Variants in VPS35L observed in about 807,000 individuals in gnomAD.
VPS35L encodes VPS35 endosomal protein-sorting factor-like.
VPS35L carries 83 observed loss-of-function variants against 133.0 expected under a neutral mutation model. The observed-to-expected ratio is 0.62, with a 90% CI of 0.52 to 0.75. The LOEUF is 0.75. Ranked by LOEUF, VPS35L falls within the 30% of genes least tolerant of loss-of-function variation. VPS35L has a pLI of 0.00. For synonymous variants in VPS35L, 423 were observed against 449.9 expected (o/e 0.94, Z 0.76); for missense variants, 1,083 against 1,206.8 (o/e 0.90, Z 1.52).
chr16:19,640,178 C>A, intron 21 of VPS35L, 78 bp downstream of exon 21: 4 of 1,319,974 alleles, frequency 3.0e-6, no homozygotes, highest in Non-Finnish European at 4.3e-6. Flanking sequence ...TCAGTTCTTG[C>A]ACTTTGAGGC....
chr16:19,568,227 C>T (rs1252010162), intron 2 of VPS35L, among the ~76,000 whole-genome samples: 3 of 152,044 alleles, frequency 2.0e-5, no homozygotes, highest in African/African-American at 7.2e-5. Context: ...GGAAGGGGCA[C>T]ACAGAGCTTT....
chr16:19,605,134 C>T (rs1972501470), intron 9 of VPS35L, among the ~76,000 whole-genome samples: 1 of 152,126 alleles, frequency 6.6e-6, no homozygotes, highest in Admixed American at 6.5e-5. Flanking sequence ...ATCCCTATAA[C>T]ACTGTTACGT....
chr16:19,631,491 T>A (rs1231800403), intron 18 of VPS35L, among the ~76,000 whole-genome samples: 1 of 152,206 alleles, frequency 6.6e-6, no homozygotes, highest in African/African-American at 2.4e-5. Context: ...TTTGTGGTTT[T>A]TTTTGGTCCT....
At chr16:19,661,545 A>G (rs1974486222) in intron 26 of VPS35L, among the ~76,000 whole-genome samples, 1 of 152,194 alleles carries the variant, frequency 6.6e-6, no homozygotes, top group Admixed American at 6.5e-5. Context: ...CAGGAGCTCG[A>G]AGAGGCCCCA....
intron 5 of VPS35L, chr16:19,578,619 C>T (rs957072613): frequency 6.1e-6 from 2 of 329,738 alleles, no homozygotes; most frequent in Non-Finnish European, 1.2e-5. Context: ...CCTAGTGTTT[C>T]CACCCTGGGT....
At chr16:19,618,684 C>G (rs1482418308) in intron 14 of VPS35L, among the ~76,000 whole-genome samples, 1 of 152,150 alleles carries the variant, frequency 6.6e-6, no homozygotes, top group Non-Finnish European at 1.5e-5. Flanking sequence ...CCTAACCACT[C>G]TGAGTCTTCT....
chr16:19,592,664 A>AT (rs889429890), intron 8 of VPS35L, among the ~76,000 whole-genome samples: 9 of 144,908 alleles, frequency 6.2e-5, no homozygotes, highest in Non-Finnish European at 1.2e-4. Flanking sequence ...CAGCATGTCT[A>AT]TTTTTTTCTT....
chr16:19,609,442 G>A lies in VPS35L; in HGVS notation c.929+421G>A, dbSNP rs78594651. On this transcript the variant is annotated intron_variant, in intron 11 of 30. Transcript: ENST00000417362. ...ACAATGAGAGTCACCCCTGGCACAC[G>A]GTGGGCCCATCCTCCATGTTGGCTG... Among the ~76,000 whole-genome samples, 748 of 152,222 alleles carry A rather than the reference G, an allele frequency of 4.9e-3. 29 individuals carry two copies. The highest frequency in any genetic ancestry group is 0.027 in the Middle Eastern group (8 of 294).
In VPS35L at chr16:19,583,047, G is replaced by GT. The variant is rs989491136; in HGVS notation, c.639+1401dup. Among the ~76,000 whole-genome samples, 30 of 152,156 alleles carry GT rather than the reference G, an allele frequency of 2.0e-4. No homozygotes were observed. The East Asian group carries it at 4.8e-3, about 25-fold the overall frequency. On this transcript the variant is annotated intron_variant, in intron 7 of 30. Transcript: ENST00000417362. ...CCAGGCTAATTTGCTATACGGTAAA[G>GT]TTTTTTTGTGTGTGTTGGGGGGGTA... is the stretch of plus-strand genomic sequence containing the variant.
chr16:19,600,194 C>T (rs1315974362), intron 8 of VPS35L, among the ~76,000 whole-genome samples: 1 of 151,840 alleles, frequency 6.6e-6, no homozygotes, highest in Non-Finnish European at 1.5e-5. Context: ...TTTGTATTTT[C>T]CTGTCTCTTT....
intron 2 of VPS35L, 98 bp from the exon 3 acceptor site, chr16:19,569,326 C>T: frequency 7.5e-7 from 1 of 1,333,826 alleles, no homozygotes; most frequent in Non-Finnish European, 1.1e-6. Context: ...AATGAACCAT[C>T]CATTCAACTA....
chr16:19,669,224 T>C lies in VPS35L; in HGVS notation c.2286T>C (p.Asp762=), dbSNP rs957676. The change falls in exon 27 of 31, where the codon GAT becomes GAC. Residue 762 remains aspartate, a synonymous_variant. Coordinates refer to ENST00000417362, the MANE Select transcript of VPS35L (RefSeq NM_020314.7). ...VPEVPKMINI[D]GKMRPSESFL... is the part of the protein sequence containing the mutation. ...AAGTTCCAAAGATGATTAATATTGA[T>C]GGGAAGATGCGGCCATCGGAATCGT... The C allele has an allele frequency of 0.33, 540,116 of 1,612,292 alleles. 91,800 individuals carry two copies. Among genetic ancestry groups the C allele is most frequent in the East Asian group, 0.38 (16,861 of 44,840 alleles).
chr16:19,600,956 G>A (rs1024829533), intron 8 of VPS35L, among the ~76,000 whole-genome samples: 1 of 152,138 alleles, frequency 6.6e-6, no homozygotes, highest in Non-Finnish European at 1.5e-5. Context: ...TTGAGACAGG[G>A]TCTTGCTCTC....
chr16:19,602,481 C>T (rs1972415795), intron 9 of VPS35L, among the ~76,000 whole-genome samples: 1 of 152,052 alleles, frequency 6.6e-6, no homozygotes. Flanking sequence ...ATTCTTCCTT[C>T]TTTCCTCTTT....
chr16:19,580,505 A>G (rs1170311080), intron 6 of VPS35L, among the ~76,000 whole-genome samples: 3 of 152,134 alleles, frequency 2.0e-5, no homozygotes, highest in Admixed American at 6.6e-5. Flanking sequence ...GTGTGTTTGC[A>G]TGACCTTCAC....
intron 27 of VPS35L, 68 bp downstream of exon 27, chr16:19,669,367 C>T: frequency 6.7e-7 from 1 of 1,495,492 alleles, no homozygotes; most frequent in Non-Finnish European, 9.0e-7. Flanking sequence ...TATATGTGTT[C>T]TTAGGCCTAA....
intron 26 of VPS35L, among the ~76,000 whole-genome samples, chr16:19,666,931 T>TCTTTCTTC (rs1974701266): frequency 2.5e-5 from 2 of 79,922 alleles, no homozygotes; most frequent in Admixed American, 1.2e-4. Context: ...TTTCTTTCTT[T>TCTTTCTTC]CTTCCTTTCT....
intron 7 of VPS35L, among the ~76,000 whole-genome samples, chr16:19,586,015 A>C (rs568781586): frequency 1.3e-5 from 2 of 152,170 alleles, no homozygotes; most frequent in South Asian, 4.2e-4. Flanking sequence ...CTCCCACCTC[A>C]GCCTCCCCAG....
At chr16:19,686,356 G>C (rs1438094556) in intron 28 of VPS35L, among the ~76,000 whole-genome samples, 1 of 152,196 alleles carries the variant, frequency 6.6e-6, no homozygotes, top group East Asian at 1.9e-4. Flanking sequence ...GACATTGCCT[G>C]GAGCAATCCC....
Sources: gnomAD v4.1 joint callset for allele counts (sites outside exome capture counted in the v4.1 genomes callset) on GRCh38, gnomAD v4.1.1 for gene constraint, MANE v1.5 for transcripts, NCBI Gene and HGNC (gene_info 2026-07-23, HGNC 2026-07-21) for gene names.